Variants in NRXN3 observed in about 807,000 individuals in gnomAD.
The protein encoded by NRXN3 is neurexin III.
In NRXN3, 32 loss-of-function variants were observed where a neutral mutation model predicts 137.6. That is an observed-to-expected ratio of 0.23 (90% CI 0.18 to 0.31). The LOEUF (loss-of-function observed/expected upper bound fraction) is 0.31. Among genes scored for constraint, NRXN3 ranks in the 10% least tolerant of loss-of-function variants. The probability of loss-of-function intolerance (pLI) is 1.00; values close to 1 mark genes in which losing one functional copy is unlikely to be tolerated. For synonymous variants in NRXN3, 798 were observed against 784.5 expected (o/e 1.02, Z -0.29); for missense variants, 1,574 against 2,062.5 (o/e 0.76, Z 4.59).
intron 15 of NRXN3, among the ~76,000 whole-genome samples, chr14:79,193,784 A>C (rs996437536): frequency 3.9e-5 from 6 of 152,356 alleles, no homozygotes; most frequent in African/African-American, 7.2e-5. Context: ...GATCTCCTAC[A>C]TGAGTAAAGT....
At position 78,957,276 on chromosome 14, in the gene NRXN3, G is replaced by A. The variant is rs754944105; in HGVS notation, c.2310G>A (p.Lys770=). 37 of 1,614,008 alleles carry A rather than the reference G, an allele frequency of 2.3e-5. No homozygotes were observed. The highest frequency in any genetic ancestry group is 1.6e-4 in the Middle Eastern group (1 of 6,084). ...CAGAGACCTTGTATGCAGGGCAGAA[G>A]CTCAATGACAACGAGTGGCACACCG... ...KGPETLYAGQ[K]LNDNEWHTVR... is the part of the protein sequence containing the mutation. Residue 770 remains lysine (K), a synonymous_variant, in exon 11 of 21, where the codon AAG becomes AAA. Coordinates refer to ENST00000335750, the MANE Select transcript of NRXN3 (RefSeq NM_001330195.2).
At chr14:79,169,848 T>C (rs1229357652) in intron 15 of NRXN3, among the ~76,000 whole-genome samples, 1 of 151,928 alleles carries the variant, frequency 6.6e-6, no homozygotes, top group Non-Finnish European at 1.5e-5. Context: ...CAGTGGGAGG[T>C]TGCCTAGGGC....
intron 15 of NRXN3, among the ~76,000 whole-genome samples, chr14:79,454,166 C>A (rs1369792760): frequency 6.6e-6 from 1 of 152,046 alleles, no homozygotes; most frequent in Non-Finnish European, 1.5e-5. Context: ...TCACTGCAAC[C>A]TCTGCCTCCC....
At chr14:78,386,836 A>T (rs1342710191) in intron 4 of NRXN3, among the ~76,000 whole-genome samples, 1 of 151,632 alleles carries the variant, frequency 6.6e-6, no homozygotes, top group Non-Finnish European at 1.5e-5. Context: ...GCTGGAGTGC[A>T]GCGGTGCCAT....
chr14:79,157,647 C>G (rs2060373971), intron 15 of NRXN3, among the ~76,000 whole-genome samples: 1 of 151,744 alleles, frequency 6.6e-6, no homozygotes, highest in Non-Finnish European at 1.5e-5. Flanking sequence ...ACTCCTGAAA[C>G]CTTTTGGAGA....
chr14:78,988,363 GT>G (rs2099511471), intron 15 of NRXN3: 1 of 539,836 alleles, frequency 1.9e-6, no homozygotes, highest in Non-Finnish European at 3.3e-6. Context: ...CACTCCCTGT[GT>G]TTTTTCTTTA....
rs73325775 is a variant in NRXN3, at chr14:79,260,744, C to T, written c.3263-206477C>T. 4.1e-3 allele frequency among the ~76,000 whole-genome samples: 627 copies of T among 152,232 alleles called. 7 individuals carry two copies. The highest frequency in any genetic ancestry group is 0.014 in the African/African-American group (588 of 41,550). On this transcript the variant is annotated intron_variant, in intron 15 of 20. Transcript: ENST00000335750. ...AATGTTACTTTATAAATTCTCAGAG[C>T]TCAGATTATATTTTCCAGAGAAATG...
intron 4 of NRXN3, among the ~76,000 whole-genome samples, chr14:78,591,394 C>T (rs772373715): frequency 5.3e-5 from 8 of 152,038 alleles, no homozygotes; most frequent in African/African-American, 7.3e-5. Flanking sequence ...GTCCATATTG[C>T]GGGGCTGTGG....
At chr14:79,374,680 A>G (rs11622878) in intron 15 of NRXN3, among the ~76,000 whole-genome samples, 49,697 of 151,860 alleles carry the variant, frequency 0.33, 8,994 homozygotes, top group Middle Eastern at 0.53. Context: ...CAACTAAAGT[A>G]TCTCTAAAAC....
At chr14:78,544,497 A>G (rs910031264) in intron 4 of NRXN3, among the ~76,000 whole-genome samples, 15 of 152,182 alleles carry the variant, frequency 9.9e-5, no homozygotes, top group Non-Finnish European at 2.2e-4. Flanking sequence ...GTTGAACTTT[A>G]TAATCGGGAA....
chr14:79,346,935 A>T (rs1037135413), intron 15 of NRXN3, among the ~76,000 whole-genome samples: 1 of 152,172 alleles, frequency 6.6e-6, no homozygotes, highest in African/African-American at 2.4e-5. Flanking sequence ...GGCTCTCAAT[A>T]ACAGAAGATG....
At chr14:79,594,782 G>A (rs890135685) in intron 16 of NRXN3, among the ~76,000 whole-genome samples, 4 of 152,110 alleles carry the variant, frequency 2.6e-5, no homozygotes, top group African/African-American at 9.7e-5. Context: ...GTCCTCGGGG[G>A]TTTGCATAAC....
intron 3 of NRXN3, among the ~76,000 whole-genome samples, chr14:78,293,869 G>A (rs142014168): frequency 3.6e-4 from 52 of 144,660 alleles, no homozygotes; most frequent in African/African-American, 1.0e-3. Context: ...TGTATAGCAT[G>A]CTGTTACGTC....
chr14:79,248,982 C>G (rs2075585440), intron 15 of NRXN3: 1 of 152,142 alleles, frequency 6.6e-6, no homozygotes, highest in South Asian at 2.1e-4. Flanking sequence ...ATGGGCAGAA[C>G]TAGGTTGTAA....
chr14:79,571,666 C>G (rs1343283206), intron 16 of NRXN3, among the ~76,000 whole-genome samples: 2 of 152,100 alleles, frequency 1.3e-5, no homozygotes, highest in Non-Finnish European at 2.9e-5. Context: ...TGTTAGTTTG[C>G]ACTGTTAGTT....
chr14:78,513,771 G>A (rs901308192), intron 4 of NRXN3, among the ~76,000 whole-genome samples: 9 of 152,136 alleles, frequency 5.9e-5, no homozygotes, highest in Non-Finnish European at 1.2e-4. Context: ...TGGTGTTCAG[G>A]ATTATCAATA....
chr14:79,516,246 T>G (rs2096983205), intron 16 of NRXN3, among the ~76,000 whole-genome samples: 1 of 151,964 alleles, frequency 6.6e-6, no homozygotes, highest in Non-Finnish European at 1.5e-5. Flanking sequence ...GGTACCAGAG[T>G]TAGAGCAAAT....
chr14:79,707,945 A>G (rs905071997), intron 19 of NRXN3, among the ~76,000 whole-genome samples: 25 of 152,328 alleles, frequency 1.6e-4, no homozygotes, highest in African/African-American at 5.8e-4. Flanking sequence ...ATGGATTTGT[A>G]TGGCTTAGGT....
chr14:78,793,210 C>T (rs780196827), intron 8 of NRXN3, among the ~76,000 whole-genome samples: 31 of 152,006 alleles, frequency 2.0e-4, no homozygotes, highest in Non-Finnish European at 2.9e-4. Context: ...TTATTTTTAA[C>T]TTGAATCTAT....
Sources: gnomAD v4.1 joint callset for allele counts (sites outside exome capture counted in the v4.1 genomes callset) on GRCh38, gnomAD v4.1.1 for gene constraint, MANE v1.5 for transcripts, NCBI Gene and HGNC (gene_info 2026-07-23, HGNC 2026-07-21) for gene names.